The following CTNNA2 variants were observed in gnomAD, a reference collection of about 807,000 sequenced individuals.
The protein encoded by CTNNA2 is catenin alpha 2.
Under a neutral mutation model 101.0 loss-of-function variants are expected in CTNNA2, and 42 were observed. The observed-to-expected ratio is 0.42, with a 90% CI of 0.32 to 0.54. The LOEUF (loss-of-function observed/expected upper bound fraction) is 0.54. CTNNA2 is among the 20% of genes least tolerant of loss of function. The probability of loss-of-function intolerance (pLI) is 0.14; values close to 1 mark genes in which losing one functional copy is unlikely to be tolerated. For missense variants in CTNNA2, 871 were observed against 1,223.1 expected, an observed-to-expected ratio of 0.71 and a Z score of 4.29; for synonymous variants, 450 against 456.4, an observed-to-expected ratio of 0.99 and a Z score of 0.18.
Position 79,766,787 on chromosome 2 carries a change from G to A in CTNNA2, c.298+22205G>A, listed in dbSNP as rs569661976. ...TCTTTTTTTTTTAACACAGAGTCTT[G>A]CTTTGTCACCCAGGCTGGAGTGCAG... On this transcript the variant is annotated intron_variant, in intron 3 of 18. Coordinates refer to ENST00000402739, the MANE Select transcript of CTNNA2 (RefSeq NM_001282597.3). Among the ~76,000 whole-genome samples, 6 of 150,468 alleles carry A rather than the reference G, an allele frequency of 4.0e-5. No individual in the cohort carries two copies. In the South Asian group the frequency reaches 1.3e-3, roughly 32 times the overall value.
intron 4 of CTNNA2, among the ~76,000 whole-genome samples, chr2:79,382,259 G>A (rs1232794442): frequency 1.3e-5 from 2 of 151,998 alleles, no homozygotes; most frequent in Admixed American, 6.5e-5. Flanking sequence ...CAGGGTTTGA[G>A]GCTTGGACTG....
intron 4 of CTNNA2, among the ~76,000 whole-genome samples, chr2:79,434,676 A>T (rs140811985): frequency 1.2e-4 from 18 of 152,286 alleles, no homozygotes; most frequent in African/African-American, 4.3e-4. Context: ...AACAAAGATC[A>T]TCAGCCTAGG....
At chr2:80,609,738 CTTTCA>C (rs1425171957) in intron 17 of CTNNA2, among the ~76,000 whole-genome samples, 1 of 151,690 alleles carries the variant, frequency 6.6e-6, no homozygotes, top group East Asian at 2.0e-4. Flanking sequence ...GCCTTGTGTG[CTTTCA>C]TTTGTTACTT....
At chr2:79,350,556 T>C (rs760586335) in intron 3 of CTNNA2, among the ~76,000 whole-genome samples, 6 of 152,206 alleles carry the variant, frequency 3.9e-5, no homozygotes, top group African/African-American at 7.2e-5. Context: ...CTTAGGTTGA[T>C]TCTATGACTT....
rs550493931 is a variant in CTNNA2 at position 80,346,768 on chromosome 2, A to G, written c.1057-46443A>G. The stretch of plus-strand genomic sequence containing the variant: ...AAATGCCTACAAGATCATGTTTGAA[A>G]GAGGTTTATGTAAATGTCCAGGAAT... On this transcript the variant is annotated intron_variant, in intron 7 of 18. Transcript: ENST00000402739. 4.6e-5 allele frequency among the ~76,000 whole-genome samples: 7 copies of G among 152,360 alleles called. No homozygotes were observed. In the East Asian group the frequency reaches 7.7e-4, roughly 17 times the overall value.
rs140634994 is a variant in CTNNA2, at chr2:80,161,027, C to A, written c.1057-232184C>A. Among the ~76,000 whole-genome samples the A allele has an allele frequency of 8.8e-3, 1,342 of 152,106 alleles. 23 individuals are homozygous for A. Among genetic ancestry groups the A allele is most frequent in the African/African-American group, 0.031 (1,276 of 41,498 alleles). ...TTGCTTTTTCTGCATCAATTGATAT[C>A]ATTGTGTGAATTTTCTCCTTTAGCT... On this transcript the variant is annotated intron_variant, in intron 7 of 18. Transcript: ENST00000402739.
At chr2:80,497,278 A>T (rs996129108) in intron 9 of CTNNA2, among the ~76,000 whole-genome samples, 2 of 152,190 alleles carry the variant, frequency 1.3e-5, no homozygotes, top group Admixed American at 1.3e-4. Flanking sequence ...TTCCCTTTTG[A>T]GTCTGATTTT....
At chr2:80,135,699 A>G (rs1273871149) in intron 7 of CTNNA2, among the ~76,000 whole-genome samples, 1 of 152,144 alleles carries the variant, frequency 6.6e-6, no homozygotes, top group Non-Finnish European at 1.5e-5. Flanking sequence ...TGCTGGGAAG[A>G]CAGTCCTGTT....
In CTNNA2 at chr2:80,541,580, G is replaced by A. The variant is rs190063269; in HGVS notation, c.1291-3402G>A. ...CACTATGTGGAAGTTACTAGTTAGC[G>A]TTTCCTTCTGTTAGAGTCCAGCTCT... On this transcript the variant is annotated intron_variant, in intron 9 of 18. Transcript: ENST00000402739. Among the ~76,000 whole-genome samples, 960 of 152,242 alleles carry A rather than the reference G, an allele frequency of 6.3e-3. 3 individuals are homozygous for A. The highest frequency in any genetic ancestry group is 0.022 in the South Asian group (104 of 4,812).
intron 7 of CTNNA2, among the ~76,000 whole-genome samples, chr2:80,390,074 C>T (rs1416512249): frequency 1.3e-5 from 2 of 152,202 alleles, no homozygotes; most frequent in Admixed American, 6.5e-5. Context: ...GGAGAAAAAG[C>T]TGGCTCATTT....
intron 7 of CTNNA2, among the ~76,000 whole-genome samples, chr2:80,123,500 T>C (rs2148882141): frequency 6.6e-6 from 1 of 152,172 alleles, no homozygotes; most frequent in East Asian, 1.9e-4. Context: ...CTGGAGACAT[T>C]AATAACACAT....
intron 7 of CTNNA2, among the ~76,000 whole-genome samples, chr2:80,036,736 C>T (rs1446326251): frequency 6.6e-6 from 1 of 152,022 alleles, no homozygotes; most frequent in Non-Finnish European, 1.5e-5. Context: ...GGAAGCCAAG[C>T]ACCTCCATGT....
chr2:80,095,810 T>A (rs1337091889), intron 7 of CTNNA2, among the ~76,000 whole-genome samples: 9 of 152,064 alleles, frequency 5.9e-5, no homozygotes, highest in Non-Finnish European at 1.3e-4. Flanking sequence ...TATAGTATTC[T>A]CTGATGGTAG....
At chr2:79,475,931 C>T (rs1373864521) in intron 4 of CTNNA2, among the ~76,000 whole-genome samples, 2 of 152,048 alleles carry the variant, frequency 1.3e-5, no homozygotes, top group Non-Finnish European at 1.5e-5. Context: ...ATGCATTTTC[C>T]GAGTTCCATA....
intron 9 of CTNNA2, among the ~76,000 whole-genome samples, chr2:80,473,887 T>C (rs1449105894): frequency 6.6e-6 from 1 of 152,178 alleles, no homozygotes; most frequent in Non-Finnish European, 1.5e-5. Flanking sequence ...CATCATAGGA[T>C]TTTTTAAAAC....
chr2:80,002,707 T>C (rs1693035328), intron 7 of CTNNA2, among the ~76,000 whole-genome samples: 1 of 152,112 alleles, frequency 6.6e-6, no homozygotes, highest in Non-Finnish European at 1.5e-5. Flanking sequence ...ATTCACTTAA[T>C]AGCAGCTGTG....
chr2:79,759,844 AT>A (rs773434744), intron 3 of CTNNA2, among the ~76,000 whole-genome samples: 1 of 151,020 alleles, frequency 6.6e-6, no homozygotes, highest in Non-Finnish European at 1.5e-5. Context: ...AGCCTCTCTC[AT>A]TTTTTTTTCC....
chr2:79,239,697 C>T (rs1284410078), intron 2 of CTNNA2, among the ~76,000 whole-genome samples: 5 of 151,984 alleles, frequency 3.3e-5, no homozygotes, highest in Middle Eastern at 3.2e-3. Flanking sequence ...AATTGACAAA[C>T]GGGATCTAAT....
At chr2:79,888,211 G>A (rs1176951153) in intron 6 of CTNNA2, among the ~76,000 whole-genome samples, 1 of 152,196 alleles carries the variant, frequency 6.6e-6, no homozygotes, top group Non-Finnish European at 1.5e-5. Flanking sequence ...AGGAAGAGGA[G>A]TGCAAGGTAG....
Sources: gnomAD v4.1 joint callset for allele counts (sites outside exome capture counted in the v4.1 genomes callset) on GRCh38, gnomAD v4.1.1 for gene constraint, MANE v1.5 for transcripts, NCBI Gene and HGNC (gene_info 2026-07-23, HGNC 2026-07-21) for gene names.